Variants in LIMA1 observed in about 807,000 individuals in gnomAD.
The protein encoded by LIMA1 is LIM domain and actin binding 1.
Under a neutral mutation model 62.6 loss-of-function variants are expected in LIMA1, and 52 were observed. The observed-to-expected ratio is 0.83, with a 90% CI of 0.67 to 1.05. The LOEUF (loss-of-function observed/expected upper bound fraction) is 1.05, where lower values mean the gene tolerates loss of function less well. LIMA1 is among the 50% of genes least tolerant of loss of function. LIMA1 has a pLI of 0.00. For missense variants in LIMA1, 780 were observed against 902.2 expected (o/e 0.86, Z 1.74); for synonymous variants, 302 against 317.8 (o/e 0.95, Z 0.53).
At chr12:50,269,449 A>G (rs1051122134) in intron 1 of LIMA1, among the ~76,000 whole-genome samples, 2 of 152,190 alleles carry the variant, frequency 1.3e-5, no homozygotes, top group East Asian at 1.9e-4. Flanking sequence ...TCTAGCGTAC[A>G]TGATATTTCA....
At chr12:50,178,962 A>ATTTTTTT (rs1168217018) in intron 10 of LIMA1, among the ~76,000 whole-genome samples, 7 of 95,488 alleles carry the variant, frequency 7.3e-5, no homozygotes, top group Non-Finnish European at 1.4e-4. Context: ...ATATATATAT[A>ATTTTTTT]TATATTTTTT....
chr12:50,277,787 A>G (rs1001933241), intron 1 of LIMA1, among the ~76,000 whole-genome samples: 1 of 152,154 alleles, frequency 6.6e-6, no homozygotes, highest in Non-Finnish European at 1.5e-5. Flanking sequence ...TCCCCCACAA[A>G]ACGCTCCAAA....
At chr12:50,181,771 G>T in intron 10 of LIMA1, 133 bp downstream of exon 10, 1 of 918,852 alleles carries the variant, frequency 1.1e-6, no homozygotes. Context: ...ACTAAATGAT[G>T]CTTTTTACTT....
In LIMA1 at chr12:50,181,983, G is replaced by T; in HGVS notation, c.1195C>A (p.Pro399Thr). The stretch of plus-strand genomic sequence containing the variant: ...TGGTTGGCCAAGAGACGCTCCATTG[G>T]ATAGACTGTCTTCTGACATTCCACG... ...TCVECQKTVYPMERLLANQQV... is the reference protein window; with the variant it reads ...TCVECQKTVYTMERLLANQQV... The change falls in exon 10 of 11, where the codon CCA becomes ACA. Residue 399 changes from proline to threonine, a missense_variant. Coordinates refer to ENST00000341247, the MANE Select transcript of LIMA1 (RefSeq NM_016357.5). 1.9e-6 allele frequency: 3 copies of T among 1,613,468 alleles called. No individual in the cohort carries two copies. The highest frequency in any genetic ancestry group is 2.5e-6 in the Non-Finnish European group (3 of 1,180,016).
chr12:50,279,363 ATATC>A (rs1200095562), intron 1 of LIMA1, among the ~76,000 whole-genome samples: 1 of 149,910 alleles, frequency 6.7e-6, no homozygotes, highest in African/African-American at 2.4e-5. Context: ...AATAATATAA[ATATC>A]TATAATTTTT....
intron 1 of LIMA1, among the ~76,000 whole-genome samples, chr12:50,272,592 CAAAAA>C (rs1004308971): frequency 1.0e-5 from 1 of 95,440 alleles, no homozygotes. Context: ...AACTCCGTCT[CAAAAA>C]AAAAAAAAAA....
chr12:50,274,281 A>G (rs922562184), intron 1 of LIMA1, among the ~76,000 whole-genome samples: 27 of 151,978 alleles, frequency 1.8e-4, no homozygotes, highest in African/African-American at 6.0e-4. Flanking sequence ...TGCTGAAGAT[A>G]TAATGTTAAA....
intron 7 of LIMA1, among the ~76,000 whole-genome samples, chr12:50,200,190 C>T (rs905198489): frequency 2.0e-5 from 3 of 151,776 alleles, no homozygotes; most frequent in Non-Finnish European, 4.4e-5. Context: ...CCACCACACT[C>T]GGCCCGAATA....
intron 2 of LIMA1, among the ~76,000 whole-genome samples, chr12:50,239,409 C>T (rs563814895): frequency 2.8e-4 from 42 of 152,126 alleles, no homozygotes; most frequent in African/African-American, 7.5e-4. Flanking sequence ...GAGGCTGAGT[C>T]GAGTAGATCA....
intron 1 of LIMA1, among the ~76,000 whole-genome samples, chr12:50,279,699 C>A (rs2138717997): frequency 6.6e-6 from 1 of 152,260 alleles, no homozygotes; most frequent in South Asian, 2.1e-4. Context: ...TTCACTTGGT[C>A]AGTTATTGCC....
At chr12:50,178,967 T>TATATA (rs377316113) in intron 10 of LIMA1, among the ~76,000 whole-genome samples, 23 of 34,884 alleles carry the variant, frequency 6.6e-4, no homozygotes, top group African/African-American at 1.5e-3. Context: ...TATATATATA[T>TATATA]TTTTTTTTTC....
At chr12:50,205,374 C>T (rs1052697078) in intron 5 of LIMA1, among the ~76,000 whole-genome samples, 1 of 151,586 alleles carries the variant, frequency 6.6e-6, no homozygotes, top group African/African-American at 2.4e-5. Context: ...TGCCTGGGCT[C>T]GTATTTTAAA....
chr12:50,214,534 C>T (rs755165472), intron 4 of LIMA1, among the ~76,000 whole-genome samples: 5 of 152,222 alleles, frequency 3.3e-5, no homozygotes, highest in African/African-American at 7.2e-5. Flanking sequence ...TTTGGCTGGG[C>T]GCAGTGGCTC....
chr12:50,279,190 G>C (rs1211654023), intron 1 of LIMA1, among the ~76,000 whole-genome samples: 1 of 151,002 alleles, frequency 6.6e-6, no homozygotes, highest in African/African-American at 2.4e-5. Flanking sequence ...ATTTTTAGTA[G>C]AGATGGGGTT....
intron 1 of LIMA1, among the ~76,000 whole-genome samples, chr12:50,250,882 GAAAT>G (rs1482738964): frequency 3.3e-5 from 5 of 152,088 alleles, no homozygotes; most frequent in African/African-American, 1.2e-4. Context: ...ATTCTTATGA[GAAAT>G]AAATAAGATA....
At chr12:50,234,967 T>C (rs796757899) in intron 2 of LIMA1, among the ~76,000 whole-genome samples, 16 of 152,196 alleles carry the variant, frequency 1.1e-4, no homozygotes, top group African/African-American at 3.9e-4. Context: ...GCTACGATCA[T>C]GCCACTGTAC....
chr12:50,193,015 C>T (rs948436433), intron 8 of LIMA1, among the ~76,000 whole-genome samples: 19 of 151,684 alleles, frequency 1.3e-4, no homozygotes, highest in African/African-American at 1.7e-4. Context: ...CGCGCGTGCG[C>T]GCATTTGTGT....
chr12:50,216,828 A>C (rs1268131985), intron 4 of LIMA1, among the ~76,000 whole-genome samples: 1 of 152,176 alleles, frequency 6.6e-6, no homozygotes, highest in African/African-American at 2.4e-5. Context: ...GTGCCACTGC[A>C]CCCCATCCTG....
intron 1 of LIMA1, among the ~76,000 whole-genome samples, chr12:50,267,071 T>C (rs1021870852): frequency 6.6e-6 from 1 of 151,878 alleles, no homozygotes; most frequent in African/African-American, 2.4e-5. Context: ...ATTTTTTTAT[T>C]TTTATTATTA....
Sources: allele counts gnomAD v4.1 joint callset (sites outside exome capture counted in the v4.1 genomes callset), GRCh38; gene constraint gnomAD v4.1.1; transcripts MANE v1.5; gene names NCBI Gene and HGNC (gene_info 2026-07-23, HGNC 2026-07-21).